Variants in CPNE7 observed in about 807,000 individuals in gnomAD.
The protein encoded by CPNE7 is copine 7.
Under a neutral mutation model 66.5 loss-of-function variants are expected in CPNE7, and 78 were observed. The observed-to-expected ratio is 1.17, with a 90% CI of 0.98 to 1.42. The LOEUF is 1.42. Among genes scored for constraint, CPNE7 ranks in the 40% most tolerant of loss-of-function variants. The probability of loss-of-function intolerance (pLI) is 0.00; values close to 1 mark genes in which losing one functional copy is unlikely to be tolerated. For synonymous variants in CPNE7, 468 were observed against 336.7 expected, an observed-to-expected ratio of 1.39 and a Z score of -4.27; for missense variants, 1,012 against 776.6, an observed-to-expected ratio of 1.30 and a Z score of -3.60.
chr16:89,591,409 T>C, intron 13 of CPNE7, 149 bp downstream of exon 13: 1 of 1,153,782 alleles, frequency 8.7e-7, no homozygotes, highest in South Asian at 1.6e-5. Flanking sequence ...GGGGCCCAGC[T>C]GGTTGACTAC....
chr16:89,595,552 G>A lies in CPNE7; in HGVS notation c.1488G>A (p.Glu496=), dbSNP rs764956447. ...DDGVLRSPRG[E]PALRDIVQFV... ...GCGTCCTGCGCTCCCCACGGGGTGA[G>A]CCCGCGCTCCGGGACATCGTACAGT... is the stretch of plus-strand genomic sequence containing the variant. Residue 496 remains glutamate, a synonymous_variant, in exon 14 of 15, where the codon GAG becomes GAA. Transcript: ENST00000319518. 4.3e-6 allele frequency: 7 copies of A among 1,612,140 alleles called. No homozygotes were observed. The East Asian group carries it at 6.7e-5, about 15-fold the overall frequency.
chr16:89,583,735 C>T lies in CPNE7; in HGVS notation c.396C>T (p.Leu132=). The T allele has an allele frequency of 5.0e-6, 8 of 1,612,782 alleles. No individual in the cohort carries two copies. Among genetic ancestry groups the T allele is most frequent in the Non-Finnish European group, 6.8e-6 (8 of 1,179,938 alleles). The change falls in exon 3 of 15, where the codon CTC becomes CTT. Residue 132 remains leucine (L), a synonymous_variant. Transcript: ENST00000319518. ...AQKKVTRPLL[L]KFGRNAGKST... ...AGAAGGTGACCCGCCCGCTGCTGCT[C>T]AAGTTTGGCAGGAACGCTGGCAAGT...
rs372772651 is a variant in CPNE7, at chr16:89,587,013, G to T, written c.868-30G>T. The T allele has an allele frequency of 2.4e-5, 38 of 1,567,384 alleles. No homozygotes were observed. The South Asian group carries it at 4.1e-4, about 17-fold the overall frequency. On this transcript the variant is annotated intron_variant, in intron 8 of 14. Transcript: ENST00000319518. ...GGCACTGGCCTCAGTGTCCCTGGCG[G>T]GGGTGGACGCTGACTCCGCCGGCCG...
chr16:89,576,752 A>T (rs145239273), intron 1 of CPNE7, among the ~76,000 whole-genome samples: 1 of 152,158 alleles, frequency 6.6e-6, no homozygotes, highest in African/African-American at 2.4e-5. Flanking sequence ...TCCCCGGCGC[A>T]GGGGTCTCTC....
rs767519778 is a variant in CPNE7 at position 89,586,719 on chromosome 16, A to G, written c.830A>G (p.Tyr277Cys). The change falls in exon 8 of 15, where the codon TAT (tyrosine) becomes TGT (cysteine). Residue 277 changes from tyrosine (Y) to cysteine (C), a missense_variant. By Grantham distance (194) the Tyr-to-Cys change is radical. Coordinates refer to ENST00000319518, the MANE Select transcript of CPNE7 (RefSeq NM_153636.3). ...NPKYKQKRRS[Y>C]KNSGVVVLAD... is the part of the protein sequence containing the mutation. The stretch of plus-strand genomic sequence containing the variant: ...AAATACAAGCAGAAGAGACGCAGTT[A>G]TAAGAACTCAGGAGTGGTCGTCCTG... 9 of 1,612,692 alleles carry G rather than the reference A, an allele frequency of 5.6e-6. No homozygotes were observed. Among genetic ancestry groups the G allele is most frequent in the Middle Eastern group, 1.7e-4 (1 of 6,056 alleles).
chr16:89,580,056 T>C, intron 2 of CPNE7, among the ~76,000 whole-genome samples: 1 of 57,342 alleles, frequency 1.7e-5, no homozygotes, highest in African/African-American at 4.5e-5. Flanking sequence ...ATCTCACCCG[T>C]CACACGGAAC....
In CPNE7 at chr16:89,591,037, C is replaced by A. The variant is rs1399251799; in HGVS notation, c.1147C>A (p.Pro383Thr). The change falls in exon 12 of 15, where the codon CCT (proline) becomes ACT (threonine). Residue 383 changes from proline (P) to threonine (T), a missense_variant. Coordinates refer to ENST00000319518, the MANE Select transcript of CPNE7 (RefSeq NM_153636.3). ...VSHDFAINFN[P>T]EDDECEGIQG... ...CCATGACTTTGCCATCAATTTCAAC[C>A]CTGAGGACGATGAGTGTGAAGGTAG... 5 of 1,613,728 alleles carry A rather than the reference C, an allele frequency of 3.1e-6. No homozygotes were observed.
rs535813887 is a variant in CPNE7 at position 89,579,676 on chromosome 16, A to G, written c.357+1955A>G. 6.4e-5 allele frequency among the ~76,000 whole-genome samples: 9 copies of G among 139,672 alleles called. No homozygotes were observed. In the East Asian group the frequency reaches 1.9e-3, roughly 29 times the overall value. The allele number at this position is 139,672 out of a possible 152,430, so 91.6% of individuals were successfully genotyped here. On this transcript the variant is annotated intron_variant, in intron 2 of 14. Coordinates refer to ENST00000319518, the MANE Select transcript of CPNE7 (RefSeq NM_153636.3). ...CATGGAACATCCCTTCACCCATCAC[A>G]TGGAACATCCCGTCATCTGCTCACA...
At chr16:89,576,128 G>A in intron 1 of CPNE7, 57 bp downstream of exon 1, 1 of 1,227,678 alleles carries the variant, frequency 8.1e-7, no homozygotes, top group Non-Finnish European at 1.0e-6. Context: ...GCGCCGAGCT[G>A]GGGATGCGGA....
Position 89,585,559 on chromosome 16 carries a change from G to A in CPNE7, c.681+6G>A. Reference sequence around the variant, plus strand: ...AGGAGACAAGGCCTCTAAAGGTGGGGGACGGGATGGACCAAGGGGGCAGTG... The same window carrying A: ...AGGAGACAAGGCCTCTAAAGGTGGGAGACGGGATGGACCAAGGGGGCAGTG... On this transcript the variant is annotated splice_donor_region_variant and intron_variant, in intron 6 of 14. Coordinates refer to ENST00000319518, the MANE Select transcript of CPNE7 (RefSeq NM_153636.3). 1 of 1,608,200 alleles carries A rather than the reference G, an allele frequency of 6.2e-7. No individual in the cohort carries two copies. The highest frequency in any genetic ancestry group is 1.3e-5 in the African/African-American group (1 of 74,694).
Position 89,584,050 on chromosome 16 carries a change from G to T in CPNE7, c.455G>T (p.Gly152Val). 2 of 1,612,190 alleles carry T rather than the reference G, an allele frequency of 1.2e-6. No individual in the cohort carries two copies. Among genetic ancestry groups the T allele is most frequent in the Non-Finnish European group, 1.7e-6 (2 of 1,179,654 alleles). ...CAGGTGATCGCCGAGGACATCTCGG[G>T]GAACAACGGCTACGTGGAGCTCTCC... ...TITVIAEDISGNNGYVELSFR... is the reference protein window; with the variant it reads ...TITVIAEDISVNNGYVELSFR... The change falls in exon 4 of 15, where the codon GGG becomes GTG. Residue 152 changes from glycine to valine, a missense_variant. Gly to Val is a moderately radical substitution (Grantham distance 109). Transcript: ENST00000319518. The surrounding 1 kb of genome is among the most constrained non-coding windows in gnomAD (Gnocchi z 6.0).
chr16:89,588,834 C>A lies in CPNE7; in HGVS notation c.1061+26C>A, dbSNP rs757676347. Reference sequence around the variant, plus strand: ...GTGCGCCCACCACCTTCCCCTCACCCCCTGGTCTCCAGGTCAGCTATGACA... The same window carrying A: ...GTGCGCCCACCACCTTCCCCTCACCACCTGGTCTCCAGGTCAGCTATGACA... On this transcript the variant is annotated intron_variant, in intron 10 of 14. Transcript: ENST00000319518. The A allele has an allele frequency of 1.1e-5, 18 of 1,608,770 alleles. No homozygotes were observed. In the South Asian group the frequency reaches 1.8e-4, roughly 16 times the overall value.
At chr16:89,579,116 C>A (rs1016348202) in intron 2 of CPNE7, 5 of 613,526 alleles carry the variant, frequency 8.1e-6, no homozygotes, top group Admixed American at 3.6e-5. Flanking sequence ...TGATGAAACC[C>A]CATCTCTACT....
intron 13 of CPNE7, among the ~76,000 whole-genome samples, chr16:89,594,383 G>T (rs1345371064): frequency 1.3e-5 from 2 of 152,058 alleles, no homozygotes; most frequent in African/African-American, 2.4e-5. Flanking sequence ...GATGGGGAGG[G>T]CACAAAAAGA....
At chr16:89,591,333 G>A (rs1171379853) in intron 13 of CPNE7, 73 bp downstream of exon 13, 2 of 1,458,442 alleles carry the variant, frequency 1.4e-6, no homozygotes, top group Non-Finnish European at 1.8e-6. Flanking sequence ...TGGACGTCAG[G>A]GAGGCACCTG....
intron 2 of CPNE7, 62 bp downstream of exon 2, chr16:89,577,783 AG>A: frequency 6.6e-7 from 1 of 1,508,954 alleles, no homozygotes; most frequent in Non-Finnish European, 8.9e-7. Flanking sequence ...AGCCGATTCA[AG>A]GCTGATGTAC....
rs1184289715 is a variant in CPNE7 at position 89,583,690 on chromosome 16, C to CTT, written c.358-6_358-5dup. ...GCCCCTCCCTGCCTGACGCCTCTGA[C>CTT]TTACAGATTGTGGCCCAGAAGAAGG... is the stretch of plus-strand genomic sequence containing the variant. On this transcript the variant is annotated splice_polypyrimidine_tract_variant and splice_region_variant and intron_variant, in intron 2 of 14. Coordinates refer to ENST00000319518, the MANE Select transcript of CPNE7 (RefSeq NM_153636.3). The CTT allele has an allele frequency of 1.2e-6, 2 of 1,612,662 alleles. No homozygotes were observed. The highest frequency in any genetic ancestry group is 1.7e-6 in the Non-Finnish European group (2 of 1,179,920).
In CPNE7 at chr16:89,596,562, C is replaced by T. The variant is rs2059259522; in HGVS notation, c.1618C>T (p.Leu540=). The change falls in exon 15 of 15, where the codon CTG becomes TTG. Residue 540 remains leucine, a synonymous_variant. Transcript: ENST00000319518. ...QVVEYYSHRG[L]PPRSLGVPAG... ...GGTGGAGTACTACAGCCACAGAGGC[C>T]TGCCCCCGAGAAGCCTGGGTGTCCC... 6.2e-7 allele frequency: 1 copy of T among 1,609,182 alleles called. No individual in the cohort carries two copies. Among genetic ancestry groups the T allele is most frequent in the East Asian group, 2.2e-5 (1 of 44,864 alleles).
At chr16:89,590,970 A>C (rs1400977306) in intron 11 of CPNE7, 37 bp from the exon 12 acceptor site, 1 of 1,611,726 alleles carries the variant, frequency 6.2e-7, no homozygotes, top group Admixed American at 1.7e-5. Context: ...GGTGTGTTGC[A>C]ACGAGCAGCT....
Sources: allele counts gnomAD v4.1 joint callset (sites outside exome capture counted in the v4.1 genomes callset), GRCh38; gene constraint gnomAD v4.1.1; non-coding constraint Gnocchi (gnomAD v3.1); transcripts MANE v1.5; gene names NCBI Gene and HGNC (gene_info 2026-07-23, HGNC 2026-07-21).